Variants in COMMD1 observed in about 807,000 individuals in gnomAD.
The protein encoded by COMMD1 is COMM domain-containing protein 1.
A neutral mutation model predicts 17.2 loss-of-function variants in COMMD1; 10 were observed. The observed-to-expected ratio is 0.58, with a 90% CI of 0.36 to 0.99. The LOEUF is 0.99. Ranked by LOEUF, COMMD1 falls within the 50% of genes least tolerant of loss-of-function variation. The pLI, the probability that COMMD1 is intolerant of heterozygous loss-of-function variation, is 0.01. For missense variants in COMMD1, 270 were observed against 231.8 expected (o/e 1.17, Z -1.07); for synonymous variants, 97 against 91.6 (o/e 1.06, Z -0.34).
chr2:61,948,470 C>T (rs1276123030), intron 1 of COMMD1, among the ~76,000 whole-genome samples: 2 of 152,004 alleles, frequency 1.3e-5, no homozygotes, highest in East Asian at 1.9e-4. Context: ...TTGGGTAATA[C>T]CATCTGGAGG....
upstream of COMMD1, among the ~76,000 whole-genome samples, chr2:61,904,424 A>G (rs965328573): frequency 3.3e-5 from 5 of 152,038 alleles, no homozygotes; most frequent in East Asian, 7.8e-4. Context: ...TGTTGTTCAC[A>G]TTTCAGAACA....
chr2:61,976,107 C>T (rs989824680), intron 1 of COMMD1, among the ~76,000 whole-genome samples: 6 of 151,248 alleles, frequency 4.0e-5, no homozygotes, highest in South Asian at 2.1e-4. Context: ...GCAGTTCTAT[C>T]GGTTTTTGCG....
intron 2 of COMMD1, among the ~76,000 whole-genome samples, chr2:62,021,017 AACTCT>A (rs1669599243): frequency 6.6e-6 from 1 of 152,062 alleles, no homozygotes; most frequent in Non-Finnish European, 1.5e-5. Flanking sequence ...AAAAAAAAAA[AACTCT>A]ACTCTTTGAT....
Position 62,080,892 on chromosome 2 carries a change from A to G in COMMD1, c.463-54939A>G, listed in dbSNP as rs565322816. On this transcript the variant is annotated intron_variant, in intron 2 of 2. Transcript: ENST00000311832. The stretch of plus-strand genomic sequence containing the variant: ...ACTCTCTGGCTCAACAGATACAAAT[A>G]TAACATTGTTTCTTTTTTAATAGCT... 8.0e-4 allele frequency among the ~76,000 whole-genome samples: 121 copies of G among 151,864 alleles called. 2 individuals are homozygous for G. The highest frequency in any genetic ancestry group is 2.6e-3 in the African/African-American group (108 of 41,440).
intron 2 of COMMD1, among the ~76,000 whole-genome samples, chr2:62,041,695 C>T (rs1573105205): frequency 6.6e-6 from 1 of 152,204 alleles, no homozygotes; most frequent in Non-Finnish European, 1.5e-5. Flanking sequence ...GTCTCGCTGA[C>T]TTCAAGAATG....
At chr2:61,997,756 A>T (rs1430488805) in intron 1 of COMMD1, among the ~76,000 whole-genome samples, 1 of 152,174 alleles carries the variant, frequency 6.6e-6, no homozygotes, top group Non-Finnish European at 1.5e-5. Flanking sequence ...TTCAACTTCA[A>T]GTCACCAGCT....
chr2:62,041,132 C>G (rs995487573), intron 2 of COMMD1, among the ~76,000 whole-genome samples: 10 of 152,176 alleles, frequency 6.6e-5, no homozygotes, highest in Non-Finnish European at 1.0e-4. Flanking sequence ...ATATTCATGA[C>G]TTATACAGGA....
At chr2:62,062,951 G>A (rs185733601) in intron 2 of COMMD1, among the ~76,000 whole-genome samples, 395 of 152,030 alleles carry the variant, frequency 2.6e-3, no homozygotes, top group Non-Finnish European at 4.0e-3. Context: ...AGGCATGGTG[G>A]CTCATGCCTG....
intron 1 of COMMD1, among the ~76,000 whole-genome samples, chr2:61,978,852 A>G (rs1232379316): frequency 6.6e-6 from 1 of 152,192 alleles, no homozygotes; most frequent in Non-Finnish European, 1.5e-5. Context: ...CTTCTGCTAT[A>G]ATTTTTTAAA....
chr2:62,066,491 A>G (rs1006401544), intron 2 of COMMD1, among the ~76,000 whole-genome samples: 5 of 147,176 alleles, frequency 3.4e-5, no homozygotes, highest in African/African-American at 1.3e-4. Context: ...GCTGGAGTGC[A>G]GTGGTGCGAT....
At chr2:62,113,370 G>A (rs1672508903) in intron 2 of COMMD1, among the ~76,000 whole-genome samples, 2 of 151,864 alleles carry the variant, frequency 1.3e-5, no homozygotes, top group Admixed American at 6.6e-5. Flanking sequence ...ATATATATAT[G>A]TATATGATTT....
chr2:61,912,745 A>T (rs141434628), intron 1 of COMMD1, among the ~76,000 whole-genome samples: 1 of 152,102 alleles, frequency 6.6e-6, no homozygotes, highest in Admixed American at 6.6e-5. Flanking sequence ...AAAAAAAAAA[A>T]AAAACAGTTT....
chr2:62,000,853 C>T lies in COMMD1; in HGVS notation c.333C>T (p.Asn111=). The change falls in exon 2 of 3, where the codon AAC becomes AAT. Residue 111 remains asparagine, a synonymous_variant. Coordinates refer to ENST00000311832, the MANE Select transcript of COMMD1 (RefSeq NM_152516.4). ...CAAAAATCCGTGAGAGCCTCATGAA[C>T]CAGAGCCGCTGGAATAGCGGGCTTC... ...HKTKIRESLM[N]QSRWNSGLRG... The T allele has an allele frequency of 1.2e-6, 2 of 1,614,156 alleles. No individual in the cohort carries two copies. The highest frequency in any genetic ancestry group is 1.7e-6 in the Non-Finnish European group (2 of 1,180,034).
intron 1 of COMMD1, among the ~76,000 whole-genome samples, chr2:61,987,063 T>C: frequency 6.6e-6 from 1 of 152,222 alleles, no homozygotes. Flanking sequence ...GTTAAATTCA[T>C]CTGAAAGATT....
rs111657261 is a variant in COMMD1 at position 62,086,843 on chromosome 2, T to A, written c.463-48988T>A. On this transcript the variant is annotated intron_variant, in intron 2 of 2. Coordinates refer to ENST00000311832, the MANE Select transcript of COMMD1 (RefSeq NM_152516.4). ...ACAGCAATATAATATTGGAAGAATT[T>A]CTTTTTTGTTTTTGTTTTTTTTTTT... 7.0e-3 allele frequency among the ~76,000 whole-genome samples: 1,054 copies of A among 151,572 alleles called. 16 individuals carry two copies. The highest frequency in any genetic ancestry group is 0.024 in the African/African-American group (980 of 41,428).
intron 2 of COMMD1, among the ~76,000 whole-genome samples, chr2:62,020,769 G>T (rs1669589671): frequency 6.6e-6 from 1 of 152,158 alleles, no homozygotes. Context: ...GGAGGCTGAG[G>T]TGGGCAGATC....
chr2:62,113,440 G>A (rs1410914038), intron 2 of COMMD1, among the ~76,000 whole-genome samples: 4 of 152,000 alleles, frequency 2.6e-5, no homozygotes, highest in Non-Finnish European at 4.4e-5. Context: ...ACAGAGTCTC[G>A]CTCTGTCACC....
chr2:62,096,580 T>C (rs1214631531), intron 2 of COMMD1, among the ~76,000 whole-genome samples: 1 of 152,190 alleles, frequency 6.6e-6, no homozygotes. Context: ...GATTTTTATA[T>C]AGGGGTTGGG....
chr2:62,065,412 C>T (rs544043172), intron 2 of COMMD1, among the ~76,000 whole-genome samples: 17 of 137,542 alleles, frequency 1.2e-4, no homozygotes, highest in African/African-American at 4.0e-4. Flanking sequence ...GTGGTGTGAC[C>T]TCCTGGGCTC....
Sources: allele counts gnomAD v4.1 joint callset (sites outside exome capture counted in the v4.1 genomes callset), GRCh38; gene constraint gnomAD v4.1.1; transcripts MANE v1.5; gene names NCBI Gene and HGNC (gene_info 2026-07-23, HGNC 2026-07-21).